PTPRG: variants seen among roughly 807,000 people sequenced by gnomAD.
The protein encoded by PTPRG is protein tyrosine phosphatase receptor type G.
In PTPRG, 102 loss-of-function variants were observed where a neutral mutation model predicts 165.3. The ratio of observed to expected loss-of-function variants is 0.62; its 90% CI spans 0.53 to 0.73. The LOEUF (loss-of-function observed/expected upper bound fraction) is 0.73, where lower values mean the gene tolerates loss of function less well. Ranked by LOEUF, PTPRG falls within the 30% of genes least tolerant of loss-of-function variation. The pLI is 0.00. For synonymous variants in PTPRG, 675 were observed against 669.5 expected (o/e 1.01, Z -0.13); for missense variants, 1,866 against 1,861.4 (o/e 1.00, Z -0.05).
chr3:61,813,905 T>TTTTTTTTTTTG (rs1553673997), intron 2 of PTPRG, among the ~76,000 whole-genome samples: 1 of 147,194 alleles, frequency 6.8e-6, no homozygotes. Context: ...TTTTTTTTTT[T>TTTTTTTTTTTG]GGGGGGGGTT....
chr3:62,073,683 G>A lies in PTPRG; in HGVS notation c.520-4480G>A, dbSNP rs532745095. 2.0e-5 allele frequency among the ~76,000 whole-genome samples: 3 copies of A among 152,238 alleles called. No homozygotes were observed. The East Asian group carries it at 5.8e-4, about 29-fold the overall frequency. ...TTTTGTAGAGACAGGGTTTCACCAT[G>A]TTGGCCAGGCTGGTCTCAAACTCCT... On this transcript the variant is annotated intron_variant, in intron 4 of 29. Transcript: ENST00000474889.
intron 2 of PTPRG, among the ~76,000 whole-genome samples, chr3:61,890,412 G>GTTTTTTTTTT (rs1388100597): frequency 3.6e-4 from 34 of 95,406 alleles, no homozygotes; most frequent in Non-Finnish European, 3.9e-4. Flanking sequence ...CTTGTTCTTT[G>GTTTTTTTTTT]TTTTTTTTTT....
intron 21 of PTPRG, 131 bp from the exon 22 acceptor site, chr3:62,272,815 C>A (rs2148875137): frequency 5.7e-6 from 6 of 1,059,216 alleles, no homozygotes; most frequent in Non-Finnish European, 7.8e-6. Flanking sequence ...CCAGCCTGGG[C>A]AACAGAGTGA....
intron 4 of PTPRG, among the ~76,000 whole-genome samples, chr3:62,003,781 C>A (rs1053871214): frequency 4.6e-5 from 7 of 152,200 alleles, no homozygotes; most frequent in African/African-American, 1.7e-4. Flanking sequence ...TTTCTTTTCA[C>A]TGTCTGTTCC....
At chr3:61,741,555 C>T (rs770334172) in intron 1 of PTPRG, among the ~76,000 whole-genome samples, 3 of 152,202 alleles carry the variant, frequency 2.0e-5, no homozygotes, top group African/African-American at 4.8e-5. Flanking sequence ...TGTGTTACTA[C>T]GCTGTTTTGC....
chr3:62,282,059 G>T (rs1702470305), intron 27 of PTPRG, among the ~76,000 whole-genome samples: 1 of 151,952 alleles, frequency 6.6e-6, no homozygotes, highest in Admixed American at 6.6e-5. Flanking sequence ...ATATTTTGCT[G>T]CCTTCTTGTG....
At chr3:62,166,810 T>C (rs533300863) in intron 7 of PTPRG, among the ~76,000 whole-genome samples, 1 of 151,876 alleles carries the variant, frequency 6.6e-6, no homozygotes, top group South Asian at 2.1e-4. Context: ...CACCTCACCC[T>C]CCCAAGAAGC....
intron 1 of PTPRG, among the ~76,000 whole-genome samples, chr3:61,653,649 T>C (rs900367509): frequency 1.2e-4 from 18 of 152,306 alleles, no homozygotes; most frequent in African/African-American, 3.8e-4. Context: ...GTCTTTGTTT[T>C]GTTAGGATTC....
chr3:61,791,806 A>G (rs1243760358), intron 2 of PTPRG, among the ~76,000 whole-genome samples: 1 of 152,208 alleles, frequency 6.6e-6, no homozygotes, highest in Admixed American at 6.5e-5. Flanking sequence ...ATAAACTTAT[A>G]ATATTTATTC....
At chr3:61,676,760 A>G (rs1179488507) in intron 1 of PTPRG, among the ~76,000 whole-genome samples, 1 of 152,112 alleles carries the variant, frequency 6.6e-6, no homozygotes, top group East Asian at 1.9e-4. Flanking sequence ...GAGAGCTATT[A>G]TAGGCCTTCC....
intron 2 of PTPRG, among the ~76,000 whole-genome samples, chr3:61,818,885 T>C (rs1048893802): frequency 8.2e-6 from 1 of 121,798 alleles, no homozygotes; most frequent in East Asian, 3.8e-4. Context: ...AATAGTGAAA[T>C]AGTGAATAGT....
At chr3:61,708,826 T>C (rs1351983695) in intron 1 of PTPRG, among the ~76,000 whole-genome samples, 3 of 152,244 alleles carry the variant, frequency 2.0e-5, no homozygotes, top group Non-Finnish European at 4.4e-5. Context: ...TCTGGATTCC[T>C]GAAAAATATT....
At chr3:61,769,072 G>T (rs969767256) in intron 2 of PTPRG, among the ~76,000 whole-genome samples, 1 of 152,142 alleles carries the variant, frequency 6.6e-6, no homozygotes, top group Non-Finnish European at 1.5e-5. Context: ...GGGATAAAAT[G>T]CCATTTAGTT....
At chr3:61,605,372 C>T (rs1700973366) in intron 1 of PTPRG, among the ~76,000 whole-genome samples, 4 of 152,158 alleles carry the variant, frequency 2.6e-5, no homozygotes. Context: ...TCTCCTGCCT[C>T]AGCCTCCTGA....
chr3:62,157,186 A>G lies in PTPRG; in HGVS notation c.802A>G (p.Ile268Val). Residue 268 changes from isoleucine to valine, a missense_variant, in exon 7 of 30, where the codon ATA (isoleucine) becomes GTA (valine). Ile to Val is a conservative substitution (Grantham distance 29). Transcript: ENST00000474889. ...TPPCSEIVEW[I>V]VFRRPVPISY... is the part of the protein sequence containing the mutation. ...ACCGTGTAGCGAAATAGTGGAGTGG[A>G]TAGTCTTCCGGAGACCCGTCCCCAT... The G allele has an allele frequency of 1.2e-6, 2 of 1,613,968 alleles. No homozygotes were observed. Among genetic ancestry groups the G allele is most frequent in the Non-Finnish European group, 1.7e-6 (2 of 1,179,882 alleles).
chr3:61,842,720 A>G (rs901535494), intron 2 of PTPRG, among the ~76,000 whole-genome samples: 4 of 151,430 alleles, frequency 2.6e-5, no homozygotes, highest in Admixed American at 6.6e-5. Flanking sequence ...GAAAAAGCCA[A>G]TGGAAAGTGG....
intron 1 of PTPRG, among the ~76,000 whole-genome samples, chr3:61,661,198 G>C (rs999005608): frequency 6.6e-6 from 1 of 151,746 alleles, no homozygotes; most frequent in African/African-American, 2.4e-5. Flanking sequence ...TCAGCCTCCC[G>C]AGTAGCTAGG....
chr3:61,671,770 T>C (rs1575578912), intron 1 of PTPRG, among the ~76,000 whole-genome samples: 2 of 138,182 alleles, frequency 1.4e-5, no homozygotes, highest in African/African-American at 5.5e-5. Flanking sequence ...GGCGGGGGGC[T>C]GACCCCCCCA....
At chr3:62,050,624 C>T (rs921340737) in intron 4 of PTPRG, among the ~76,000 whole-genome samples, 12 of 152,168 alleles carry the variant, frequency 7.9e-5, no homozygotes, top group South Asian at 6.2e-4. Context: ...CAGTTTTGTT[C>T]ATTGTATTGT....
Sources: allele counts gnomAD v4.1 joint callset (sites outside exome capture counted in the v4.1 genomes callset), GRCh38; gene constraint gnomAD v4.1.1; transcripts MANE v1.5; gene names NCBI Gene and HGNC (gene_info 2026-07-23, HGNC 2026-07-21).